The following XXYLT1 variants were observed in gnomAD, a reference collection of about 807,000 sequenced individuals.
XXYLT1 encodes xyloside xylosyltransferase 1.
In XXYLT1, 20 loss-of-function variants were observed where a neutral mutation model predicts 28.9. The observed-to-expected ratio is 0.69, with a 90% CI of 0.49 to 1.00. The LOEUF is 1.00. Among genes scored for constraint, XXYLT1 ranks in the 50% least tolerant of loss-of-function variants. XXYLT1 has a pLI of 0.00. For synonymous variants in XXYLT1, 257 were observed against 253.8 expected (o/e 1.01, Z -0.12); for missense variants, 542 against 560.1 (o/e 0.97, Z 0.33).
chr3:195,262,097 T>C (rs1725715942), intron 1 of XXYLT1, among the ~76,000 whole-genome samples: 1 of 152,218 alleles, frequency 6.6e-6, no homozygotes, highest in African/African-American at 2.4e-5. Context: ...ACAACCCAAA[T>C]GTCCATCAAC....
chr3:195,095,696 A>C (rs1716398632), intron 3 of XXYLT1: 1 of 153,382 alleles, frequency 6.5e-6, no homozygotes, highest in South Asian at 2.1e-4. Flanking sequence ...GGCAGTGGCC[A>C]GGGAACCCTA....
intron 3 of XXYLT1, among the ~76,000 whole-genome samples, chr3:195,126,083 T>C (rs1025586516): frequency 6.6e-6 from 1 of 152,208 alleles, no homozygotes; most frequent in Non-Finnish European, 1.5e-5. Context: ...TGCCATAAGG[T>C]TATTTTTCAA....
intron 3 of XXYLT1, among the ~76,000 whole-genome samples, chr3:195,141,325 A>G (rs1719476668): frequency 6.6e-6 from 1 of 152,236 alleles, no homozygotes; most frequent in South Asian, 2.1e-4. Context: ...AGGTCCAGAT[A>G]CACTGTGTTA....
intron 2 of XXYLT1, among the ~76,000 whole-genome samples, chr3:195,159,353 G>A (rs563007568): frequency 6.6e-6 from 1 of 152,280 alleles, no homozygotes; most frequent in Non-Finnish European, 1.5e-5. Context: ...GGCATTACAC[G>A]CAAGCTAGGT....
At chr3:195,233,506 C>A (rs959388142) in intron 1 of XXYLT1, among the ~76,000 whole-genome samples, 6 of 152,092 alleles carry the variant, frequency 3.9e-5, no homozygotes, top group Non-Finnish European at 7.4e-5. Flanking sequence ...TTTTTCATAT[C>A]CATTGTATGT....
At chr3:195,270,236 G>A (rs1045094001) in intron 1 of XXYLT1, 6 of 596,684 alleles carry the variant, frequency 1.0e-5, no homozygotes, top group Non-Finnish European at 1.8e-5. Flanking sequence ...TGCAGACTCT[G>A]AAGGCAGTGC....
intron 3 of XXYLT1, among the ~76,000 whole-genome samples, chr3:195,117,419 G>T (rs1040859000): frequency 6.6e-6 from 1 of 152,158 alleles, no homozygotes; most frequent in South Asian, 2.1e-4. Context: ...AAGTACTGAT[G>T]AGCAAGAAAA....
chr3:195,138,490 G>A lies in XXYLT1; in HGVS notation c.785+17959C>T, dbSNP rs989927258. Among the ~76,000 whole-genome samples, 53 of 152,312 alleles carry A rather than the reference G, an allele frequency of 3.5e-4. 3 individuals are homozygous for A. Among genetic ancestry groups the A allele is most frequent in the African/African-American group, 4.8e-5 (2 of 41,576 alleles). ...GAGTGAGGGCCACAGCTGGGTGCAG[G>A]CGGCCCTCAGAGAGGCTTTATGGAA... On this transcript the variant is annotated intron_variant, in intron 3 of 3. Coordinates refer to ENST00000310380, the MANE Select transcript of XXYLT1 (RefSeq NM_152531.5).
At chr3:195,207,165 T>A (rs985057576) in intron 2 of XXYLT1, among the ~76,000 whole-genome samples, 1 of 152,038 alleles carries the variant, frequency 6.6e-6, no homozygotes, top group Non-Finnish European at 1.5e-5. Context: ...GGCTCGCGGG[T>A]CTGAGGAGCG....
intron 1 of XXYLT1, chr3:195,247,807 C>T (rs1168735244): frequency 4.3e-6 from 3 of 702,710 alleles, no homozygotes; most frequent in South Asian, 1.5e-5. Context: ...AGGAAACACA[C>T]AATCACGGCG....
chr3:195,080,825 C>T (rs1402544553), intron 3 of XXYLT1, among the ~76,000 whole-genome samples: 1 of 152,208 alleles, frequency 6.6e-6, no homozygotes, highest in Admixed American at 6.5e-5. Flanking sequence ...GGTGTTCCAA[C>T]CCAGGAGCCA....
intron 3 of XXYLT1, among the ~76,000 whole-genome samples, chr3:195,090,422 T>C (rs1035533885): frequency 3.3e-5 from 5 of 150,650 alleles, no homozygotes; most frequent in Non-Finnish European, 7.4e-5. Flanking sequence ...TGCTCCTGAA[T>C]GACTACTGGG....
chr3:195,179,577 G>A (rs1721847950), intron 2 of XXYLT1, among the ~76,000 whole-genome samples: 2 of 152,114 alleles, frequency 1.3e-5, no homozygotes, highest in Non-Finnish European at 2.9e-5. Flanking sequence ...AGGCCTGCGT[G>A]TGTGGAGGAG....
chr3:195,247,493 AC>A (rs1725075856), intron 1 of XXYLT1, among the ~76,000 whole-genome samples: 1 of 152,134 alleles, frequency 6.6e-6, no homozygotes, highest in Non-Finnish European at 1.5e-5. Flanking sequence ...CATCTTCCGC[AC>A]CTCACCCTCG....
chr3:195,235,511 C>G (rs116352986), intron 1 of XXYLT1, among the ~76,000 whole-genome samples: 2,226 of 152,296 alleles, frequency 0.015, 59 homozygotes, highest in African/African-American at 0.049. Context: ...CCAAGACTGG[C>G]CCCTGGTGCC....
intron 3 of XXYLT1, among the ~76,000 whole-genome samples, chr3:195,121,453 C>A (rs1718357065): frequency 6.6e-6 from 1 of 152,174 alleles, no homozygotes; most frequent in Admixed American, 6.5e-5. Flanking sequence ...GATGACCTCC[C>A]AAGACAGGGT....
In XXYLT1 at chr3:195,141,131, T is replaced by G. The variant is rs185590428; in HGVS notation, c.785+15318A>C. ...TCCCAGCCTAAAGAACTGTGAGCAA[T>G]AAATTCTGTTGTTTATAAGCTACCT... On this transcript the variant is annotated intron_variant, in intron 3 of 3. Transcript: ENST00000310380. Among the ~76,000 whole-genome samples, 542 of 152,276 alleles carry G rather than the reference T, an allele frequency of 3.6e-3. 4 individuals are homozygous for G. The highest frequency in any genetic ancestry group is 0.013 in the African/African-American group (532 of 41,544).
chr3:195,082,207 C>T (rs943064019), intron 3 of XXYLT1, among the ~76,000 whole-genome samples: 1 of 152,128 alleles, frequency 6.6e-6, no homozygotes. Flanking sequence ...TCAAGGGTGG[C>T]GGGCGCGTAA....
chr3:195,245,495 A>G (rs988065302), intron 1 of XXYLT1, among the ~76,000 whole-genome samples: 1 of 152,220 alleles, frequency 6.6e-6, no homozygotes, highest in East Asian at 1.9e-4. Flanking sequence ...GGAAGCCAAA[A>G]GACTGGACAC....
Sources: allele counts gnomAD v4.1 joint callset (sites outside exome capture counted in the v4.1 genomes callset), GRCh38; gene constraint gnomAD v4.1.1; transcripts MANE v1.5; gene names NCBI Gene and HGNC (gene_info 2026-07-23, HGNC 2026-07-21).